PDE8A: variants seen among roughly 807,000 people sequenced by gnomAD.
The protein encoded by PDE8A is high affinity cAMP-specific and IBMX-insensitive 3',5'-cyclic phosphodiesterase 8A.
PDE8A carries 59 observed loss-of-function variants against 105.0 expected under a neutral mutation model. The ratio of observed to expected loss-of-function variants is 0.56; its 90% CI spans 0.46 to 0.70. The LOEUF (loss-of-function observed/expected upper bound fraction) is 0.70. Ranked by LOEUF, PDE8A falls within the 30% of genes least tolerant of loss-of-function variation. PDE8A has a pLI of 0.00. For missense variants in PDE8A, 1,014 were observed against 1,045.9 expected (o/e 0.97, Z 0.42); for synonymous variants, 355 against 371.9 (o/e 0.95, Z 0.52).
chr15:85,070,609 C>T (rs773172069), intron 3 of PDE8A, among the ~76,000 whole-genome samples: 23 of 152,090 alleles, frequency 1.5e-4, no homozygotes, highest in Admixed American at 4.6e-4. Flanking sequence ...GTAGAGGGAG[C>T]GGCATGTGTA....
chr15:85,004,534 G>A (rs192644186), intron 1 of PDE8A, among the ~76,000 whole-genome samples: 1 of 152,330 alleles, frequency 6.6e-6, no homozygotes, highest in Admixed American at 6.5e-5. Flanking sequence ...CCTGAAGCTC[G>A]CAAGAGCTGA....
At chr15:85,047,940 C>T (rs1173075170) in intron 1 of PDE8A, among the ~76,000 whole-genome samples, 3 of 152,118 alleles carry the variant, frequency 2.0e-5, no homozygotes, top group Admixed American at 2.0e-4. Context: ...TTACCGGTTT[C>T]CTTAAGTTTG....
chr15:85,101,004 A>G (rs2081854014), intron 11 of PDE8A, among the ~76,000 whole-genome samples: 1 of 152,246 alleles, frequency 6.6e-6, no homozygotes, highest in South Asian at 2.1e-4. Context: ...TTTTGTGAGC[A>G]CTTAATGTGT....
intron 1 of PDE8A, among the ~76,000 whole-genome samples, chr15:85,020,017 T>C (rs2080397807): frequency 6.8e-6 from 1 of 147,072 alleles, no homozygotes; most frequent in Admixed American, 6.9e-5. Context: ...TTCTGGCACT[T>C]TGCAGGCCGG....
chr15:85,108,626 A>T (rs925073716), intron 11 of PDE8A, among the ~76,000 whole-genome samples: 2 of 152,220 alleles, frequency 1.3e-5, no homozygotes, highest in Admixed American at 1.3e-4. Flanking sequence ...CCTAGGAAAG[A>T]GAAGAATGTT....
chr15:85,126,517 T>C (rs1439858080), intron 20 of PDE8A, 143 bp downstream of exon 20: 1 of 506,710 alleles, frequency 2.0e-6, no homozygotes, highest in Non-Finnish European at 3.1e-6. Flanking sequence ...TGGTAACTGG[T>C]AACAAATTTT....
intron 20 of PDE8A, among the ~76,000 whole-genome samples, chr15:85,134,999 G>A (rs1055816574): frequency 6.6e-6 from 1 of 152,158 alleles, no homozygotes; most frequent in African/African-American, 2.4e-5. Flanking sequence ...GAGCTGCGGT[G>A]GGGGGAGAGA....
intron 12 of PDE8A, 37 bp from the exon 13 acceptor site, chr15:85,113,337 AGTT>A (rs759052578): frequency 9.7e-6 from 15 of 1,552,998 alleles, no homozygotes; most frequent in Non-Finnish European, 1.3e-5. Context: ...AGGTGCCCAG[AGTT>A]GTGCATGCCC....
intron 20 of PDE8A, among the ~76,000 whole-genome samples, chr15:85,134,508 C>T (rs1271152986): frequency 1.3e-5 from 2 of 148,850 alleles, no homozygotes; most frequent in African/African-American, 2.5e-5. Context: ...GCAGGGCCTT[C>T]ACCACAGCCA....
chr15:85,125,852 T>C (rs1035694757), intron 19 of PDE8A, among the ~76,000 whole-genome samples: 9 of 152,070 alleles, frequency 5.9e-5, no homozygotes, highest in African/African-American at 2.2e-4. Flanking sequence ...AAACCAGTCT[T>C]TGAGTTCTTA....
chr15:85,001,627 T>C (rs1282093556), intron 1 of PDE8A, among the ~76,000 whole-genome samples: 1 of 152,182 alleles, frequency 6.6e-6, no homozygotes, highest in African/African-American at 2.4e-5. Context: ...TCTGAGGTTG[T>C]TGAAGTGGCT....
At chr15:85,085,006 G>A (rs1023282752) in intron 6 of PDE8A, among the ~76,000 whole-genome samples, 12 of 152,154 alleles carry the variant, frequency 7.9e-5, no homozygotes, top group African/African-American at 2.9e-4. Flanking sequence ...GAAACCACCA[G>A]TTAGTCTCCC....
chr15:84,981,978 C>A lies in PDE8A; in HGVS notation c.-185C>A, dbSNP rs374074343. ...AGCGCCCCCTTCCCACCGCAGCCGC[C>A]GCCGCCGCAGCGCCCGCACCGCGAT... is the stretch of plus-strand genomic sequence containing the variant. On this transcript the variant is annotated 5_prime_UTR_variant, in exon 1 of 22. Coordinates refer to ENST00000394553, the MANE Select transcript of PDE8A (RefSeq NM_002605.3). The A allele has an allele frequency of 3.3e-5, 10 of 300,904 alleles. No homozygotes were observed. The East Asian group carries it at 4.2e-4, about 13-fold the overall frequency. 18.6% of individuals were successfully genotyped at this position (300,904 alleles called of 1,614,324 possible).
At chr15:85,012,312 T>C (rs1326208385) in intron 1 of PDE8A, among the ~76,000 whole-genome samples, 1 of 152,062 alleles carries the variant, frequency 6.6e-6, no homozygotes. Flanking sequence ...TATCCAACAA[T>C]GATAGACTGG....
intron 1 of PDE8A, among the ~76,000 whole-genome samples, chr15:85,035,154 G>T (rs1397922136): frequency 1.4e-5 from 2 of 146,564 alleles, no homozygotes; most frequent in Non-Finnish European, 3.0e-5. Context: ...TATTTCAGAA[G>T]CTTTGGGGTC....
chr15:85,078,145 C>CA (rs34715649), intron 5 of PDE8A, among the ~76,000 whole-genome samples: 38,709 of 119,764 alleles, frequency 0.32, 6,012 homozygotes, highest in East Asian at 0.55. Context: ...AGTGAAACTG[C>CA]AAAAAAAAAA....
chr15:85,009,025 A>G (rs900238641), intron 1 of PDE8A, among the ~76,000 whole-genome samples: 1 of 152,182 alleles, frequency 6.6e-6, no homozygotes, highest in African/African-American at 2.4e-5. Context: ...GTAAAAAGAA[A>G]AAAGAAGGAA....
At chr15:85,093,114 A>G (rs1447462807) in intron 8 of PDE8A, among the ~76,000 whole-genome samples, 1 of 152,112 alleles carries the variant, frequency 6.6e-6, no homozygotes, top group Admixed American at 6.5e-5. Flanking sequence ...TATGTTGTCC[A>G]GGTTGGTCTC....
chr15:85,059,912 G>A (rs2081117667), intron 1 of PDE8A, among the ~76,000 whole-genome samples: 1 of 152,210 alleles, frequency 6.6e-6, no homozygotes, highest in Non-Finnish European at 1.5e-5. Context: ...GGAGACTGAA[G>A]TGGGACGATC....
Sources: gnomAD v4.1 joint callset for allele counts (sites outside exome capture counted in the v4.1 genomes callset) on GRCh38, gnomAD v4.1.1 for gene constraint, MANE v1.5 for transcripts, NCBI Gene and HGNC (gene_info 2026-07-23, HGNC 2026-07-21) for gene names.